CRAMP1: variants seen among roughly 807,000 people sequenced by gnomAD.
CRAMP1 encodes protein cramped-like.
In CRAMP1, 50 loss-of-function variants were observed where a neutral mutation model predicts 115.4. The ratio of observed to expected loss-of-function variants is 0.43; its 90% CI spans 0.35 to 0.55. CRAMP1 has a LOEUF of 0.55. CRAMP1 is among the 20% of genes least tolerant of loss of function. The probability of loss-of-function intolerance (pLI) is 0.01; values close to 1 mark genes in which losing one functional copy is unlikely to be tolerated. For synonymous variants in CRAMP1, 866 were observed against 745.4 expected (o/e 1.16, Z -2.64); for missense variants, 1,679 against 1,721.7 (o/e 0.98, Z 0.44).
At chr16:1,668,713 G>T (rs569803867) in intron 18 of CRAMP1, among the ~76,000 whole-genome samples, 1 of 152,206 alleles carries the variant, frequency 6.6e-6, no homozygotes, top group South Asian at 2.1e-4. Flanking sequence ...TTTCCTAAGC[G>T]GTAAATTGAG....
chr16:1,626,216 A>T (rs1372774901), intron 3 of CRAMP1, 50 bp downstream of exon 3: 1 of 1,408,246 alleles, frequency 7.1e-7, no homozygotes, highest in African/African-American at 1.5e-5. Context: ...TCCCTCTCGG[A>T]TCCCTGCCCT....
intron 2 of CRAMP1, chr16:1,620,681 C>G (rs531408546): frequency 2.2e-6 from 1 of 456,750 alleles, no homozygotes; most frequent in Non-Finnish European, 4.4e-6. Context: ...CTATTAGCCG[C>G]GTGCCTTTCG....
At chr16:1,618,672 T>C (rs1216542476) in intron 2 of CRAMP1, among the ~76,000 whole-genome samples, 1 of 152,226 alleles carries the variant, frequency 6.6e-6, no homozygotes. Flanking sequence ...ATTTACTCTT[T>C]ATATTTTGTA....
chr16:1,657,974 G>A (rs1394537332), intron 10 of CRAMP1, among the ~76,000 whole-genome samples: 3 of 152,130 alleles, frequency 2.0e-5, no homozygotes, highest in Non-Finnish European at 2.9e-5. Flanking sequence ...GTGCTGGGGG[G>A]ACTCGGGACT....
chr16:1,651,781 CAG>C (rs1317340155), intron 6 of CRAMP1, among the ~76,000 whole-genome samples: 1 of 146,756 alleles, frequency 6.8e-6, no homozygotes, highest in Non-Finnish European at 1.5e-5. Context: ...ACACAGGTCA[CAG>C]AGAGGTGGAC....
At chr16:1,652,354 C>T in intron 6 of CRAMP1, 142 bp from the exon 7 acceptor site, 1 of 641,678 alleles carries the variant, frequency 1.6e-6, no homozygotes, top group South Asian at 2.0e-5. Flanking sequence ...TGTCCTCCCA[C>T]TGTCCTACGC....
At chr16:1,661,804 G>C (rs1362866181) in intron 11 of CRAMP1, among the ~76,000 whole-genome samples, 1 of 152,098 alleles carries the variant, frequency 6.6e-6, no homozygotes, top group Non-Finnish European at 1.5e-5. Flanking sequence ...ATGTTGGCCA[G>C]GCTGGCCTAC....
At chr16:1,637,770 C>T in intron 4 of CRAMP1, 54 bp from the exon 5 acceptor site, 1 of 905,142 alleles carries the variant, frequency 1.1e-6, no homozygotes, top group Non-Finnish European at 1.6e-6. Context: ...ACACCCAAGC[C>T]AGGCAGCGCC....
At chr16:1,634,506 A>G (rs947532156) in intron 4 of CRAMP1, among the ~76,000 whole-genome samples, 1 of 150,350 alleles carries the variant, frequency 6.7e-6, no homozygotes, top group Non-Finnish European at 1.5e-5. Context: ...GGGGGGTCAC[A>G]CCCAACACAG....
chr16:1,635,253 A>G (rs1042967264), intron 4 of CRAMP1, among the ~76,000 whole-genome samples: 1 of 151,788 alleles, frequency 6.6e-6, no homozygotes, highest in African/African-American at 2.4e-5. Flanking sequence ...GGTTTGTCTG[A>G]CTCATCTTGT....
At position 1,656,809 on chromosome 16, in the gene CRAMP1, A is replaced by G. The variant is rs1430640139; in HGVS notation, c.2052A>G (p.Glu684=). The G allele has an allele frequency of 4.5e-6, 7 of 1,549,098 alleles. No homozygotes were observed. Among genetic ancestry groups the G allele is most frequent in the Admixed American group, 2.0e-5 (1 of 50,972 alleles). ...AGGGCTGGAACCTGCAGACCTCCGAAAGCCTCACGCTGGCCGAAGTCTACC... is the reference window on the plus strand; with the variant it reads ...AGGGCTGGAACCTGCAGACCTCCGAGAGCCTCACGCTGGCCGAAGTCTACC... ...REEGWNLQTS[E]SLTLAEVYLM... The change falls in exon 10 of 21, where the codon GAA becomes GAG. Residue 684 remains glutamate (E), a synonymous_variant. Transcript: ENST00000397412. This position sits in a 1 kb window ranked among gnomAD's most constrained non-coding sequence, Gnocchi z 5.6.
chr16:1,648,324 T>G (rs1364015899), intron 6 of CRAMP1, among the ~76,000 whole-genome samples: 1 of 152,148 alleles, frequency 6.6e-6, no homozygotes, highest in Non-Finnish European at 1.5e-5. Flanking sequence ...TAGAATTGAC[T>G]TGAGCCGGGT....
intron 4 of CRAMP1, among the ~76,000 whole-genome samples, chr16:1,636,025 T>C (rs1346092614): frequency 3.9e-5 from 6 of 152,210 alleles, no homozygotes; most frequent in African/African-American, 7.2e-5. Context: ...ACATTTTGCT[T>C]GTCTACTGAA....
Position 1,612,606 on chromosome 16 carries a change from C to G in CRAMP1, c.-53C>G, listed in dbSNP as rs2036361639. Reference sequence around the variant, plus strand: ...TGCCCGGCCCGGCTGGTTCTGCGGGCACCCGGGGAGGCCCCGGGAAGCCAG... The same window carrying G: ...TGCCCGGCCCGGCTGGTTCTGCGGGGACCCGGGGAGGCCCCGGGAAGCCAG... On this transcript the variant is annotated 5_prime_UTR_variant, in exon 1 of 21. Transcript: ENST00000397412. Among the ~76,000 whole-genome samples the G allele has an allele frequency of 6.6e-6, 1 of 151,832 alleles. No individual in the cohort carries two copies. Among genetic ancestry groups the G allele is most frequent in the Non-Finnish European group, 1.5e-5 (1 of 67,894 alleles).
At chr16:1,662,933 G>C in intron 13 of CRAMP1, 98 bp downstream of exon 13, 1 of 942,430 alleles carries the variant, frequency 1.1e-6, no homozygotes, top group Non-Finnish European at 1.6e-6. Context: ...TGTAAAATGT[G>C]GGAAATTCCT....
chr16:1,649,992 T>G (rs984827064), intron 6 of CRAMP1, among the ~76,000 whole-genome samples: 1 of 151,582 alleles, frequency 6.6e-6, no homozygotes, highest in Non-Finnish European at 1.5e-5. Flanking sequence ...CAGGGTTTCG[T>G]CATATTGGTC....
At chr16:1,629,409 A>G (rs2036531322) in intron 3 of CRAMP1, among the ~76,000 whole-genome samples, 1 of 152,080 alleles carries the variant, frequency 6.6e-6, no homozygotes, top group Non-Finnish European at 1.5e-5. Flanking sequence ...TTTTGTTCTC[A>G]TTGCCGTTAC....
chr16:1,641,903 G>C (rs1042961233), intron 6 of CRAMP1, among the ~76,000 whole-genome samples: 1 of 145,988 alleles, frequency 6.8e-6, no homozygotes. Context: ...CTGGAGCCTG[G>C]GGGGGGGTCC....
Position 1,656,932 on chromosome 16 carries a change from C to T in CRAMP1, c.2175C>T (p.His725=), listed in dbSNP as rs903724382. 2 of 1,558,818 alleles carry T rather than the reference C, an allele frequency of 1.3e-6. No homozygotes were observed. Among genetic ancestry groups the T allele is most frequent in the East Asian group, 2.4e-5 (1 of 41,652 alleles). Residue 725 remains histidine (H), a synonymous_variant, in exon 10 of 21, where the codon CAC becomes CAT. Coordinates refer to ENST00000397412, the MANE Select transcript of CRAMP1 (RefSeq NM_020825.4). The surrounding 1 kb of genome is among the most constrained non-coding windows in gnomAD (Gnocchi z 5.6). The stretch of plus-strand genomic sequence containing the variant: ...CCGGCTCCCTACCCACCGCCCTCCA[C>T]AAGCAGCGCCTCCTCAGCTGCCTCC... ...PRPGSLPTAL[H]KQRLLSCLLK... is the part of the protein sequence containing the mutation.
Sources: allele counts gnomAD v4.1 joint callset (sites outside exome capture counted in the v4.1 genomes callset), GRCh38; gene constraint gnomAD v4.1.1; non-coding constraint Gnocchi (gnomAD v3.1); transcripts MANE v1.5; gene names NCBI Gene and HGNC (gene_info 2026-07-23, HGNC 2026-07-21).